MEI1: variants seen among roughly 807,000 people sequenced by gnomAD.
MEI1 encodes meiotic double-stranded break formation protein 1.
In MEI1, 103 loss-of-function variants were observed where a neutral mutation model predicts 146.2. The observed-to-expected ratio is 0.70, with a 90% CI of 0.60 to 0.83. The LOEUF (loss-of-function observed/expected upper bound fraction) is 0.83, where lower values mean the gene tolerates loss of function less well. MEI1 is among the 40% of genes least tolerant of loss of function. MEI1 has a pLI of 0.00. For synonymous variants in MEI1, 652 were observed against 628.2 expected, an observed-to-expected ratio of 1.04 and a Z score of -0.57; for missense variants, 1,529 against 1,533.0, an observed-to-expected ratio of 1.00 and a Z score of 0.04.
Position 41,732,457 on chromosome 22 carries a change from T to A in MEI1, c.1197-12T>A, listed in dbSNP as rs6002455. ...GAGTTCACCTACTCGTTTCTCATCT[T>A]CCATTTCTCAGGCAGCCAGAGGAGA... On this transcript the variant is annotated splice_polypyrimidine_tract_variant and intron_variant, in intron 10 of 30. Transcript: ENST00000401548. 0.058 allele frequency: 93,301 copies of A among 1,613,634 alleles called. 15,784 individuals are homozygous for A. In the African/African-American group the frequency reaches 0.62, roughly 11 times the overall value.
chr22:41,780,554 G>T (rs1037573395), intron 22 of MEI1, among the ~76,000 whole-genome samples: 1 of 150,726 alleles, frequency 6.6e-6, no homozygotes, highest in Non-Finnish European at 1.5e-5. Flanking sequence ...AGGGGGAGAT[G>T]AACTTTGAGC....
chr22:41,712,788 G>C (rs908728324), intron 3 of MEI1, among the ~76,000 whole-genome samples: 14 of 149,844 alleles, frequency 9.3e-5, no homozygotes, highest in Non-Finnish European at 1.6e-4. Context: ...GGTGGGACTT[G>C]GGTATTAGTT....
At chr22:41,771,000 T>A in intron 20 of MEI1, 39 bp downstream of exon 20, 1 of 1,595,368 alleles carries the variant, frequency 6.3e-7, no homozygotes, top group Non-Finnish European at 8.5e-7. Flanking sequence ...TCAGAAATCG[T>A]GGGCCTTCTC....
intron 19 of MEI1, among the ~76,000 whole-genome samples, chr22:41,764,655 A>G (rs977288174): frequency 2.6e-5 from 4 of 152,200 alleles, no homozygotes; most frequent in Non-Finnish European, 4.4e-5. Flanking sequence ...GTGGTCCTTG[A>G]TTCCAGGAGT....
chr22:41,748,349 G>C, intron 15 of MEI1, 131 bp downstream of exon 15: 1 of 679,462 alleles, frequency 1.5e-6, no homozygotes, highest in Admixed American at 2.3e-5. Flanking sequence ...TCTATTCTTT[G>C]TCCAGTGATG....
intron 30 of MEI1, among the ~76,000 whole-genome samples, chr22:41,798,606 G>A (rs1180813667): frequency 1.3e-5 from 2 of 151,596 alleles, no homozygotes; most frequent in African/African-American, 2.4e-5. Context: ...GGGGCCGGGC[G>A]CAGTGGCTCA....
At chr22:41,703,763 C>A (rs965811486) in intron 2 of MEI1, among the ~76,000 whole-genome samples, 2 of 152,048 alleles carry the variant, frequency 1.3e-5, no homozygotes, top group African/African-American at 4.8e-5. Flanking sequence ...GTGGGTAGAT[C>A]ACTTGAGGTC....
intron 21 of MEI1, among the ~76,000 whole-genome samples, chr22:41,777,947 G>C (rs929389741): frequency 6.9e-6 from 1 of 144,338 alleles, no homozygotes; most frequent in Non-Finnish European, 1.5e-5. Context: ...TTCTCCTCTT[G>C]TTCTTCTTCC....
intron 3 of MEI1, 40 bp from the exon 4 acceptor site, chr22:41,713,962 G>T: frequency 6.5e-7 from 1 of 1,538,830 alleles, no homozygotes; most frequent in Non-Finnish European, 8.8e-7. Context: ...CTCTGGGTTG[G>T]GGGTGCCTCC....
At chr22:41,769,917 C>A (rs1203077215) in intron 19 of MEI1, among the ~76,000 whole-genome samples, 2 of 151,416 alleles carry the variant, frequency 1.3e-5, no homozygotes, top group Admixed American at 1.3e-4. Flanking sequence ...GGCAGATCAC[C>A]TGAGGTCAGG....
Position 41,748,095 on chromosome 22 carries a change from G to C in MEI1, c.1681-12G>C, listed in dbSNP as rs1415862634. 6.3e-7 allele frequency: 1 copy of C among 1,598,970 alleles called. No individual in the cohort carries two copies. Among genetic ancestry groups the C allele is most frequent in the East Asian group, 2.2e-5 (1 of 44,800 alleles). ...CCCCGTGGGCTGTGTTCTCTCTCCT[G>C]GTTCTTTGCAGAGACACTTGGAGCA... On this transcript the variant is annotated splice_polypyrimidine_tract_variant and intron_variant, in intron 14 of 30. Coordinates refer to ENST00000401548, the MANE Select transcript of MEI1 (RefSeq NM_152513.4).
At chr22:41,772,286 A>T (rs1200446521) in intron 20 of MEI1, among the ~76,000 whole-genome samples, 1 of 151,700 alleles carries the variant, frequency 6.6e-6, no homozygotes, top group Non-Finnish European at 1.5e-5. Context: ...CAGTGGCAGG[A>T]TCATGGCTCA....
At chr22:41,783,217 G>GA (rs1300183603) in intron 24 of MEI1, among the ~76,000 whole-genome samples, 1 of 151,966 alleles carries the variant, frequency 6.6e-6, no homozygotes, top group Non-Finnish European at 1.5e-5. Flanking sequence ...TAGATTTATA[G>GA]AAAAATGGTG....
chr22:41,742,851 C>T (rs2072994234), intron 11 of MEI1, among the ~76,000 whole-genome samples: 1 of 152,124 alleles, frequency 6.6e-6, no homozygotes, highest in South Asian at 2.1e-4. Context: ...ACCATGTTGC[C>T]CAGGCTGGTC....
rs2148177135 is a variant in MEI1 at position 41,784,375 on chromosome 22, T to C, written c.3124T>C (p.Leu1042=). 2 of 1,614,000 alleles carry C rather than the reference T, an allele frequency of 1.2e-6. No individual in the cohort carries two copies. The highest frequency in any genetic ancestry group is 1.6e-4 in the Middle Eastern group (1 of 6,062). The change falls in exon 25 of 31, where the codon TTG becomes CTG. Residue 1042 remains leucine (L), a synonymous_variant. Transcript: ENST00000401548. The stretch of plus-strand genomic sequence containing the variant: ...ACTCTCTGTGGAAATGGACCAAGTA[T>C]TGAAGGCTCTCAGCTTTCCAAAGAA... ...QTLSVEMDQV[L]KALSFPKKKA... is the part of the protein sequence containing the mutation.
At chr22:41,751,775 A>AG (rs1569249608) in intron 15 of MEI1, among the ~76,000 whole-genome samples, 1 of 147,428 alleles carries the variant, frequency 6.8e-6, no homozygotes, top group African/African-American at 2.5e-5. Flanking sequence ...TCCATCTTAA[A>AG]AAAAAAAAAA....
At chr22:41,770,218 G>A (rs1371056862) in intron 19 of MEI1, among the ~76,000 whole-genome samples, 1 of 151,912 alleles carries the variant, frequency 6.6e-6, no homozygotes, top group African/African-American at 2.4e-5. Context: ...AGATTAATCT[G>A]CCACAGTCCC....
At chr22:41,767,402 T>G (rs1177955505) in intron 19 of MEI1, among the ~76,000 whole-genome samples, 1 of 152,188 alleles carries the variant, frequency 6.6e-6, no homozygotes, top group Non-Finnish European at 1.5e-5. Context: ...TCTGAGATCC[T>G]TTCTGATTCT....
At chr22:41,751,789 AG>A (rs1399449611) in intron 15 of MEI1, among the ~76,000 whole-genome samples, 150 of 142,042 alleles carry the variant, frequency 1.1e-3, no homozygotes, top group African/African-American at 3.9e-3. Flanking sequence ...AAAAAAAAAA[AG>A]GCCAGGCGCA....
Sources: gnomAD v4.1 joint callset for allele counts (sites outside exome capture counted in the v4.1 genomes callset) on GRCh38, gnomAD v4.1.1 for gene constraint, MANE v1.5 for transcripts, NCBI Gene and HGNC (gene_info 2026-07-23, HGNC 2026-07-21) for gene names.